GATA4: variants seen among roughly 807,000 people sequenced by gnomAD.
GATA4 encodes GATA binding protein 4, also known as transcription factor GATA-4.
In GATA4, 7 loss-of-function variants were observed where a neutral mutation model predicts 37.9. The observed-to-expected ratio is 0.18, with a 90% CI of 0.11 to 0.35. The LOEUF (loss-of-function observed/expected upper bound fraction) is 0.35. Ranked by LOEUF, GATA4 falls within the 10% of genes least tolerant of loss-of-function variation. The probability of loss-of-function intolerance (pLI) is 1.00; values close to 1 mark genes in which losing one functional copy is unlikely to be tolerated. For synonymous variants in GATA4, 372 were observed against 292.6 expected, an observed-to-expected ratio of 1.27 and a Z score of -2.77; for missense variants, 647 against 653.0, an observed-to-expected ratio of 0.99 and a Z score of 0.10.
At chr8:11,695,251 C>T (rs1175682229) in intron 1 of GATA4, among the ~76,000 whole-genome samples, 1 of 151,982 alleles carries the variant, frequency 6.6e-6, no homozygotes, top group East Asian at 1.9e-4. Context: ...ATTAAAAATA[C>T]AAAAATTAGC....
intron 2 of GATA4, among the ~76,000 whole-genome samples, chr8:11,747,479 C>T (rs536760808): frequency 6.6e-6 from 1 of 152,266 alleles, no homozygotes; most frequent in South Asian, 2.1e-4. Flanking sequence ...AGTGCCATTG[C>T]TTATAATATG....
intron 2 of GATA4, among the ~76,000 whole-genome samples, chr8:11,737,995 A>G (rs1387992908): frequency 6.6e-6 from 1 of 152,168 alleles, no homozygotes; most frequent in East Asian, 1.9e-4. Flanking sequence ...ACCCTGACCA[A>G]CATGGTGAAA....
chr8:11,737,498 C>G (rs762187883), intron 2 of GATA4, among the ~76,000 whole-genome samples: 5 of 152,232 alleles, frequency 3.3e-5, no homozygotes, highest in Non-Finnish European at 7.3e-5. Context: ...CCCAGACTAG[C>G]CCAGCTTAAG....
At chr8:11,726,387 AG>A (rs1191827528) in intron 2 of GATA4, among the ~76,000 whole-genome samples, 1 of 152,212 alleles carries the variant, frequency 6.6e-6, no homozygotes, top group Non-Finnish European at 1.5e-5. Context: ...AGAAGAGCGC[AG>A]AAAGTTCTAA....
chr8:11,727,780 G>A (rs1801006560), intron 2 of GATA4, among the ~76,000 whole-genome samples: 1 of 151,880 alleles, frequency 6.6e-6, no homozygotes, highest in Non-Finnish European at 1.5e-5. Context: ...GGTGGAGACT[G>A]CGGTGAGCCG....
At chr8:11,747,148 G>C (rs28626371) in intron 2 of GATA4, among the ~76,000 whole-genome samples, 2 of 152,108 alleles carry the variant, frequency 1.3e-5, no homozygotes, top group South Asian at 4.1e-4. Context: ...ATCTGCCCTT[G>C]CCTCTGGCAG....
Position 11,708,372 on chromosome 8 carries a change from G to A in GATA4, c.60G>A (p.Ala20=), listed in dbSNP as rs551378949. Residue 20 remains alanine, a synonymous_variant, in exon 2 of 7, where the codon GCG becomes GCA. Coordinates refer to ENST00000532059, the MANE Select transcript of GATA4 (RefSeq NM_001308093.3). The surrounding 1 kb of genome is among the most constrained non-coding windows in gnomAD (Gnocchi z 6.7). Reference sequence around the variant, plus strand: ...GGCCGCCCCCCGGTGCCTACGAGGCGGGCGGCCCCGGCGCCTTCATGCACG... The same window carrying A: ...GGCCGCCCCCCGGTGCCTACGAGGCAGGCGGCCCCGGCGCCTTCATGCACG... ...NHGPPPGAYE[A]GGPGAFMHGA... 5.8e-6 allele frequency: 9 copies of A among 1,558,692 alleles called. No homozygotes were observed. In the Admixed American group the frequency reaches 7.4e-5, roughly 13 times the overall value.
At chr8:11,684,768 G>T (rs902750304) in intron 1 of GATA4, among the ~76,000 whole-genome samples, 4 of 152,126 alleles carry the variant, frequency 2.6e-5, no homozygotes, top group African/African-American at 9.7e-5. Context: ...GTTTGGCTTT[G>T]TGTGTTTTGT....
chr8:11,737,449 G>C (rs111707698), intron 2 of GATA4, among the ~76,000 whole-genome samples: 1 of 152,194 alleles, frequency 6.6e-6, no homozygotes, highest in South Asian at 2.1e-4. Context: ...TTCCCTTTCC[G>C]TCCTGCCAGC....
At chr8:11,683,362 C>A (rs1799038998) in intron 1 of GATA4, among the ~76,000 whole-genome samples, 1 of 152,178 alleles carries the variant, frequency 6.6e-6, no homozygotes, top group African/African-American at 2.4e-5. Context: ...CTTGCTGATG[C>A]CGGTAAATAG....
chr8:11,692,891 C>G (rs1328049973), intron 1 of GATA4: 3 of 982,752 alleles, frequency 3.1e-6, no homozygotes, highest in Non-Finnish European at 2.4e-6. Flanking sequence ...CCCGCCGCCC[C>G]GCGCTCGCCT....
chr8:11,738,964 G>C (rs1159338704), intron 2 of GATA4, among the ~76,000 whole-genome samples: 4 of 152,240 alleles, frequency 2.6e-5, no homozygotes, highest in Non-Finnish European at 5.9e-5. Context: ...GTACCCCGAA[G>C]GGAGGGCCTC....
At chr8:11,757,836 C>T (rs1367765711) in intron 6 of GATA4, among the ~76,000 whole-genome samples, 1 of 152,242 alleles carries the variant, frequency 6.6e-6, no homozygotes, top group East Asian at 1.9e-4. Context: ...CCAGCCCTGG[C>T]TGTTATCTCG....
At chr8:11,722,463 C>T (rs1800720532) in intron 2 of GATA4, among the ~76,000 whole-genome samples, 1 of 152,192 alleles carries the variant, frequency 6.6e-6, no homozygotes. Flanking sequence ...TTCAATTTCC[C>T]AGTTTGTCTA....
chr8:11,757,001 C>T lies in GATA4; in HGVS notation c.1067C>T (p.Thr356Ile), dbSNP rs200167770. 1.9e-6 allele frequency: 3 copies of T among 1,614,156 alleles called. No individual in the cohort carries two copies. In the African/African-American group the frequency reaches 4.0e-5, roughly 22 times the overall value. Residue 356 changes from threonine (T) to isoleucine (I), a missense_variant, in exon 6 of 7, where the codon ACC (threonine) becomes ATC (isoleucine). Thr to Ile is a moderately conservative substitution (Grantham distance 89, BLOSUM62 -1). Coordinates refer to ENST00000532059, the MANE Select transcript of GATA4 (RefSeq NM_001308093.3). ...TCCAGCAACTCCAGCAACGCCACCA[C>T]CAGCAGCAGCGAGGAGATGCGTCCC... ...GASSNSSNAT[T>I]SSSEEMRPIK...
Position 11,758,535 on chromosome 8 carries a change from A to AG in GATA4, c.*62dup. The AG allele has an allele frequency of 6.3e-7, 1 of 1,578,766 alleles. No homozygotes were observed. The highest frequency in any genetic ancestry group is 1.1e-5 in the South Asian group (1 of 90,346). On this transcript the variant is annotated 3_prime_UTR_variant, in exon 7 of 7. Transcript: ENST00000532059. The stretch of plus-strand genomic sequence containing the variant: ...CCTGGGACTTGGAGGATAGCAAAGA[A>AG]GGAGGCCCTGGGCTCCCAGGGGCCG...
chr8:11,756,133 T>C (rs1417056927), intron 5 of GATA4, among the ~76,000 whole-genome samples: 5 of 152,292 alleles, frequency 3.3e-5, no homozygotes, highest in African/African-American at 1.2e-4. Context: ...GACTGGTCGG[T>C]GCTGCAGTCA....
chr8:11,687,595 C>T (rs1202018243), intron 1 of GATA4, among the ~76,000 whole-genome samples: 4 of 152,168 alleles, frequency 2.6e-5, no homozygotes, highest in Non-Finnish European at 5.9e-5. Context: ...ACCATTTCCC[C>T]CTTTTTATAG....
intron 2 of GATA4, among the ~76,000 whole-genome samples, chr8:11,726,880 A>T (rs187858288): frequency 1.3e-5 from 2 of 151,782 alleles, no homozygotes; most frequent in Admixed American, 6.6e-5. Flanking sequence ...GGAGCAGATG[A>T]CTCACAATCT....
Sources: allele counts gnomAD v4.1 joint callset (sites outside exome capture counted in the v4.1 genomes callset), GRCh38; gene constraint gnomAD v4.1.1; non-coding constraint Gnocchi (gnomAD v3.1); transcripts MANE v1.5; gene names NCBI Gene and HGNC (gene_info 2026-07-23, HGNC 2026-07-21).